GDPD4: variants seen among roughly 807,000 people sequenced by gnomAD.
GDPD4 encodes glycerophosphodiester phosphodiesterase 6.
Under a neutral mutation model 67.8 loss-of-function variants are expected in GDPD4, and 60 were observed. The ratio of observed to expected loss-of-function variants is 0.88; its 90% CI spans 0.72 to 1.10. GDPD4 has a LOEUF of 1.10. Among genes scored for constraint, GDPD4 ranks in the 50% least tolerant of loss-of-function variants. The pLI is 0.00. For missense variants in GDPD4, 623 were observed against 613.9 expected (o/e 1.01, Z -0.16); for synonymous variants, 212 against 210.9 (o/e 1.00, Z -0.04).
intron 10 of GDPD4, among the ~76,000 whole-genome samples, chr11:77,258,854 G>A (rs770775834): frequency 2.0e-5 from 3 of 152,224 alleles, no homozygotes; most frequent in Non-Finnish European, 4.4e-5. Context: ...GTGAATGGAG[G>A]TAGGGATGAT....
rs1958714615 is a variant in GDPD4, at chr11:77,243,546, A to C, written c.1241+148T>G. 2 of 660,494 alleles carry C rather than the reference A, an allele frequency of 3.0e-6. 1 individual carries two copies. Among genetic ancestry groups the C allele is most frequent in the South Asian group, 3.7e-5 (2 of 54,264 alleles). The allele number at this position is 660,494 out of a possible 1,614,324, so 40.9% of individuals were successfully genotyped here. A position where few individuals can be genotyped will look rare whatever the true frequency, so the allele number is the denominator to read the frequency against. On this transcript the variant is annotated intron_variant, in intron 13 of 16. Coordinates refer to ENST00000315938, the MANE Select transcript of GDPD4 (RefSeq NM_182833.3). The stretch of plus-strand genomic sequence containing the variant: ...GAGGGAGGGAGGGAGGGAGGGAGGA[A>C]GGGGTAGGAAAAAGAAAGGAGATTC...
chr11:77,217,291 C>G lies in GDPD4; in HGVS notation c.1549G>C (p.Glu517Gln). ...RTDTQSGSKN[E>Q]EDR The stretch of plus-strand genomic sequence containing the variant: ...AATCTATCTATCTATCTATCTTCCT[C>G]ATTCTTACTTCCACTCTGAGTATCT... Residue 517 changes from glutamate to glutamine, a missense_variant, in exon 17 of 17, where the codon GAG (glutamate) becomes CAG (glutamine). Coordinates refer to ENST00000315938, the MANE Select transcript of GDPD4 (RefSeq NM_182833.3). 1 of 1,608,614 alleles carries G rather than the reference C, an allele frequency of 6.2e-7. No individual in the cohort carries two copies. Among genetic ancestry groups the G allele is most frequent in the Non-Finnish European group, 8.5e-7 (1 of 1,174,998 alleles).
chr11:77,279,363 C>A lies in GDPD4; in HGVS notation c.90G>T (p.Trp30Cys). The A allele has an allele frequency of 6.2e-7, 1 of 1,611,998 alleles. No individual in the cohort carries two copies. Among genetic ancestry groups the A allele is most frequent in the African/African-American group, 1.3e-5 (1 of 74,922 alleles). The change falls in exon 4 of 17, where the codon TGG (tryptophan) becomes TGT (cysteine). Residue 30 changes from tryptophan (W) to cysteine (C), a missense_variant. Physicochemically the swap from Trp to Cys is radical, Grantham distance 215. Coordinates refer to ENST00000315938, the MANE Select transcript of GDPD4 (RefSeq NM_182833.3). ...TFLGTGYWFF[W>C]SIFILSLARI... ...TAGCTAAACTCAGAATAAAAATAGACCAGAAAAACCAGTATCCTGTTCCTA... is the reference window on the plus strand; with the variant it reads ...TAGCTAAACTCAGAATAAAAATAGAACAGAAAAACCAGTATCCTGTTCCTA...
chr11:77,273,447 ACT>A (rs969234173), intron 5 of GDPD4, among the ~76,000 whole-genome samples: 7 of 152,110 alleles, frequency 4.6e-5, no homozygotes, highest in Admixed American at 2.0e-4. Context: ...TTGCCTTCAG[ACT>A]CTGTGAACTA....
At position 77,258,530 on chromosome 11, in the gene GDPD4, C is replaced by T. The variant is rs1284231918; in HGVS notation, c.720G>A (p.Val240=). 6.2e-7 allele frequency: 1 copy of T among 1,613,862 alleles called. No homozygotes were observed. The highest frequency in any genetic ancestry group is 1.7e-5 in the Admixed American group (1 of 59,998). The part of the protein sequence containing the change: ...ETDIHLSYDH[V]PFLMHDFDLK... Reference sequence around the variant, plus strand: ...GGTCAAAGTCATGCATGAGGAAAGGCACATGATCATAACTGAGGCAGAGGT... The same window carrying T: ...GGTCAAAGTCATGCATGAGGAAAGGTACATGATCATAACTGAGGCAGAGGT... The change falls in exon 11 of 17, where the codon GTG becomes GTA. Residue 240 remains valine, a synonymous_variant. Coordinates refer to ENST00000315938, the MANE Select transcript of GDPD4 (RefSeq NM_182833.3).
At chr11:77,300,603 G>T (rs963443959) in intron 1 of GDPD4, among the ~76,000 whole-genome samples, 3 of 151,506 alleles carry the variant, frequency 2.0e-5, no homozygotes, top group African/African-American at 7.3e-5. Context: ...TGATTAACTA[G>T]TCTTAACATT....
At chr11:77,278,793 T>C (rs1344743325) in intron 4 of GDPD4, among the ~76,000 whole-genome samples, 1 of 152,232 alleles carries the variant, frequency 6.6e-6, no homozygotes, top group Non-Finnish European at 1.5e-5. Flanking sequence ...ACTACTATGT[T>C]AGGCAACAGA....
chr11:77,284,278 TTTA>T (rs1453438746), intron 3 of GDPD4, among the ~76,000 whole-genome samples: 1 of 152,192 alleles, frequency 6.6e-6, no homozygotes, highest in East Asian at 1.9e-4. Flanking sequence ...TGTTAAAATG[TTTA>T]TTATTTTAAG....
chr11:77,258,330 C>T, intron 11 of GDPD4, 56 bp downstream of exon 11: 1 of 1,523,852 alleles, frequency 6.6e-7, no homozygotes. Flanking sequence ...AGGAGCAGCA[C>T]ATGATCTCTT....
chr11:77,297,202 T>C (rs1472161408), intron 1 of GDPD4, among the ~76,000 whole-genome samples: 1 of 151,834 alleles, frequency 6.6e-6, no homozygotes, highest in Non-Finnish European at 1.5e-5. Flanking sequence ...CAATTATAAA[T>C]ATATGGGGTT....
At chr11:77,229,048 C>T (rs1958402851) in intron 15 of GDPD4, 102 bp downstream of exon 15, 8 of 588,588 alleles carry the variant, frequency 1.4e-5, no homozygotes, top group Non-Finnish European at 2.4e-5. Flanking sequence ...GCCATCTTGC[C>T]ATGTGGGATT....
intron 11 of GDPD4, among the ~76,000 whole-genome samples, chr11:77,253,617 C>T (rs2135853948): frequency 6.6e-6 from 1 of 152,234 alleles, no homozygotes; most frequent in Non-Finnish European, 1.5e-5. Flanking sequence ...TATGTTAGCT[C>T]AGCCATGGAA....
intron 11 of GDPD4, among the ~76,000 whole-genome samples, chr11:77,247,789 C>T (rs1223259516): frequency 6.6e-6 from 1 of 152,246 alleles, no homozygotes; most frequent in African/African-American, 2.4e-5. Flanking sequence ...TGGTGGCTCA[C>T]GCCTGTAATC....
intron 13 of GDPD4, among the ~76,000 whole-genome samples, chr11:77,239,341 A>G (rs920223991): frequency 1.3e-5 from 2 of 152,202 alleles, no homozygotes; most frequent in African/African-American, 4.8e-5. Context: ...TCTTAGCCAG[A>G]GCAATTAGGC....
chr11:77,224,872 C>G (rs918419339), intron 16 of GDPD4, among the ~76,000 whole-genome samples: 7 of 151,304 alleles, frequency 4.6e-5, no homozygotes, highest in Non-Finnish European at 8.8e-5. Context: ...GAGGCCAAGG[C>G]AAGCCGACTG....
In GDPD4 at chr11:77,248,077, G is replaced by GA. The variant is rs1958814218; in HGVS notation, c.865-2576dup. Among the ~76,000 whole-genome samples the GA allele has an allele frequency of 6.5e-5, 9 of 138,132 alleles. No individual in the cohort carries two copies. The East Asian group carries it at 1.0e-3, about 16-fold the overall frequency. 90.6% of individuals were successfully genotyped at this position (138,132 alleles called of 152,430 possible). On this transcript the variant is annotated intron_variant, in intron 11 of 16. Coordinates refer to ENST00000315938, the MANE Select transcript of GDPD4 (RefSeq NM_182833.3). ...AAAAAAAAAAAAAAAAAAAAGAAAA[G>GA]AAAGAAAGAAATAGAAGGACAATTA...
Position 77,258,480 on chromosome 11 carries a change from T to A in GDPD4, c.770A>T (p.Glu257Val), listed in dbSNP as rs1357843102. 6.2e-7 allele frequency: 1 copy of A among 1,614,036 alleles called. No homozygotes were observed. The highest frequency in any genetic ancestry group is 1.7e-5 in the Admixed American group (1 of 60,012). The change falls in exon 11 of 17, where the codon GAA becomes GTA. Residue 257 changes from glutamate (E) to valine (V), a missense_variant. Coordinates refer to ENST00000315938, the MANE Select transcript of GDPD4 (RefSeq NM_182833.3). ...FDLKRTTNIG[E>V]VQPESACENP... ...CTCGCAGGCAGATTCTGGCTGAACT[T>A]CCCCAATATTGGTTGTTCTTTTCAG...
chr11:77,285,320 C>G (rs944337128), intron 2 of GDPD4, 133 bp from the exon 3 acceptor site: 9 of 584,912 alleles, frequency 1.5e-5, no homozygotes, highest in African/African-American at 3.8e-5. Context: ...AGTGATCACT[C>G]TCTTCTTTTT....
rs1340333337 is a variant in GDPD4, at chr11:77,216,959, G to A, written c.*318C>T. On this transcript the variant is annotated 3_prime_UTR_variant, in exon 17 of 17. Transcript: ENST00000315938. Reference sequence around the variant, plus strand: ...TATTTAAGGATAGGGGACCTCTATGGAGGGCATGGTTGGCTTATCCACCTT... The same window carrying A: ...TATTTAAGGATAGGGGACCTCTATGAAGGGCATGGTTGGCTTATCCACCTT... The A allele has an allele frequency of 2.8e-6, 2 of 702,892 alleles. No individual in the cohort carries two copies. Among genetic ancestry groups the A allele is most frequent in the Admixed American group, 4.0e-5 (2 of 50,018 alleles). 43.5% of individuals were successfully genotyped at this position (702,892 alleles called of 1,614,324 possible).
Sources: allele counts gnomAD v4.1 joint callset (sites outside exome capture counted in the v4.1 genomes callset), GRCh38; gene constraint gnomAD v4.1.1; transcripts MANE v1.5; gene names NCBI Gene and HGNC (gene_info 2026-07-23, HGNC 2026-07-21).